Variants in PRELID2 observed in about 807,000 individuals in gnomAD.
The protein encoded by PRELID2 is PRELI domain containing 2.
In PRELID2, 25 loss-of-function variants were observed where a neutral mutation model predicts 28.4. The observed-to-expected ratio is 0.88, with a 90% CI of 0.64 to 1.23. The LOEUF is 1.23. PRELID2 is among the 50% of genes most tolerant of loss of function. The pLI, the probability that PRELID2 is intolerant of heterozygous loss-of-function variation, is 0.00. For missense variants in PRELID2, 201 were observed against 214.4 expected (o/e 0.94, Z 0.39); for synonymous variants, 76 against 71.6 (o/e 1.06, Z -0.31).
At chr5:145,248,293 T>C in the PRELID2 span, among the ~76,000 whole-genome samples, 1 of 152,084 alleles carries the variant, frequency 6.6e-6, no homozygotes, top group Non-Finnish European at 1.5e-5. Context: ...GCTTATGTTG[T>C]TCTCTTTGCT....
chr5:145,237,552 G>A, the PRELID2 span, among the ~76,000 whole-genome samples: 1 of 152,064 alleles, frequency 6.6e-6, no homozygotes, highest in African/African-American at 2.4e-5. Context: ...GAAATTGAGA[G>A]GTGGTGACAC....
At chr5:145,326,962 ATCCCAAAAGACACAGTCACAAACGCC>A in the PRELID2 span, among the ~76,000 whole-genome samples, 99,175 of 151,004 alleles carry the variant, frequency 0.66, 32,818 homozygotes, top group East Asian at 0.89. Context: ...TTGGGTCGTA[ATCCCAAAAGACACAGTCACAAACGCC>A]TCCCAAAAGA....
At chr5:145,372,932 A>G in the PRELID2 span, among the ~76,000 whole-genome samples, 1 of 55,744 alleles carries the variant, frequency 1.8e-5, no homozygotes, top group Non-Finnish European at 3.6e-5. Context: ...ATATATTACA[A>G]CATATATAAT....
At chr5:145,372,008 T>C in the PRELID2 span, among the ~76,000 whole-genome samples, 1,209 of 152,138 alleles carry the variant, frequency 7.9e-3, 8 homozygotes, top group Non-Finnish European at 0.012. Context: ...TAGTTTGTTC[T>C]TGCCTCTCTA....
intron 1 of PRELID2, among the ~76,000 whole-genome samples, chr5:145,535,207 C>G (rs1416052326): frequency 1.3e-5 from 2 of 151,924 alleles, no homozygotes; most frequent in African/African-American, 4.8e-5. Context: ...TTAAATGGCT[C>G]TCTATGCACT....
intron 1 of PRELID2, among the ~76,000 whole-genome samples, chr5:145,590,384 C>A (rs376340657): frequency 2.9e-4 from 44 of 152,162 alleles, no homozygotes; most frequent in African/African-American, 9.9e-4. Flanking sequence ...TACAATCTAA[C>A]ATTTCCTTAT....
the PRELID2 span, among the ~76,000 whole-genome samples, chr5:145,464,265 T>C: frequency 7.9e-5 from 12 of 152,228 alleles, no homozygotes; most frequent in East Asian, 1.9e-4. Context: ...TATGCAAATG[T>C]ATAGTTATTT....
chr5:145,371,185 T>G, the PRELID2 span, among the ~76,000 whole-genome samples: 1 of 152,142 alleles, frequency 6.6e-6, no homozygotes, highest in African/African-American at 2.4e-5. Context: ...CAGCCTTGTC[T>G]TGGGCCGGTT....
At chr5:145,755,770 C>T (rs1479809425), downstream of PRELID2, among the ~76,000 whole-genome samples, 4 of 152,118 alleles carry the variant, frequency 2.6e-5, no homozygotes, top group African/African-American at 4.8e-5. Flanking sequence ...CAAATCCTGC[C>T]GTATTCCTGC....
At chr5:145,304,636 T>C in the PRELID2 span, among the ~76,000 whole-genome samples, 1 of 152,160 alleles carries the variant, frequency 6.6e-6, no homozygotes, top group Admixed American at 6.6e-5. Context: ...TACTTCTGAC[T>C]GCAAAGAATA....
chr5:145,765,311 T>C (rs996718694), intron 5 of PRELID2, among the ~76,000 whole-genome samples: 2 of 152,182 alleles, frequency 1.3e-5, no homozygotes, highest in African/African-American at 4.8e-5. Flanking sequence ...AGAGCTAGAA[T>C]GATAATGGCA....
At chr5:145,446,496 C>T in the PRELID2 span, among the ~76,000 whole-genome samples, 2 of 152,004 alleles carry the variant, frequency 1.3e-5, no homozygotes, top group African/African-American at 4.8e-5. Flanking sequence ...TAGTAGAAAC[C>T]TTAAGAATAA....
intron 1 of PRELID2, among the ~76,000 whole-genome samples, chr5:145,665,978 C>CT (rs199927643): frequency 0.074 from 8,968 of 121,030 alleles, 417 homozygotes; most frequent in Admixed American, 0.18. Context: ...GCAAACTTGT[C>CT]TTTTTTTTAA....
At chr5:145,817,220 A>AAAATATATATATATATATATATATAT (rs1554099385) in intron 4 of PRELID2, among the ~76,000 whole-genome samples, 1 of 66,508 alleles carries the variant, frequency 1.5e-5, no homozygotes, top group Admixed American at 1.9e-4. Flanking sequence ...AATAAAAAAA[A>AAAATATATATATATATATATATATAT]ATATATATAT....
Position 145,604,882 on chromosome 5 carries a change from C to CATATAT in PRELID2, n.71-131573_71-131568dup, listed in dbSNP as rs35401852. ...ACCATATTTTAATATGCTTGTTGGCCATATATATATATATATATATATTCT... is the reference window on the plus strand; with the variant it reads ...ACCATATTTTAATATGCTTGTTGGCCATATATATATATATATATATATATATATTCT... On this transcript the variant is annotated intron_variant and non_coding_transcript_variant, in intron 1 of 2. Coordinates refer to the PRELID2 transcript ENST00000510259. Among the ~76,000 whole-genome samples, 218 of 116,122 alleles carry CATATAT rather than the reference C, an allele frequency of 1.9e-3. 6 individuals carry two copies. The highest frequency in any genetic ancestry group is 5.7e-3 in the African/African-American group (150 of 26,336). The allele number at this position is 116,122 out of a possible 152,430, so 76.2% of individuals were successfully genotyped here. A position where few individuals can be genotyped will look rare whatever the true frequency, so the allele number is the denominator to read the frequency against.
chr5:145,543,516 T>C (rs1055145101), intron 1 of PRELID2, among the ~76,000 whole-genome samples: 8 of 152,128 alleles, frequency 5.3e-5, no homozygotes, highest in Non-Finnish European at 7.4e-5. Flanking sequence ...TATTTGTTGC[T>C]GGTCAATGAT....
chr5:145,573,850 C>G (rs1753036727), intron 1 of PRELID2, among the ~76,000 whole-genome samples: 1 of 152,020 alleles, frequency 6.6e-6, no homozygotes, highest in Non-Finnish European at 1.5e-5. Flanking sequence ...GTGGAGGAAC[C>G]CACACCAAAT....
chr5:145,303,874 A>G, the PRELID2 span, among the ~76,000 whole-genome samples: 1 of 152,142 alleles, frequency 6.6e-6, no homozygotes, highest in Admixed American at 6.5e-5. Context: ...TCTTTGTTGC[A>G]TGTCCTTTTA....
chr5:145,620,862 G>A (rs1344013565), intron 1 of PRELID2, among the ~76,000 whole-genome samples: 8 of 151,982 alleles, frequency 5.3e-5, no homozygotes, highest in Non-Finnish European at 1.5e-5. Flanking sequence ...GATAGCCAGG[G>A]AAAAATAAAT....
Sources: allele counts gnomAD v4.1 joint callset (sites outside exome capture counted in the v4.1 genomes callset), GRCh38; gene constraint gnomAD v4.1.1; transcripts MANE v1.5; gene names NCBI Gene and HGNC (gene_info 2026-07-23, HGNC 2026-07-21).